VCF1: variants seen among roughly 807,000 people sequenced by gnomAD.
The protein encoded by VCF1 is VCP nuclear cofactor family member 1, also known as protein VCF1.
At chr17:73,221,613 G>A in the VCF1 span, among the ~76,000 whole-genome samples, 1 of 152,226 alleles carries the variant, frequency 6.6e-6, no homozygotes, top group South Asian at 2.1e-4. Context: ...ATTAGGCTGG[G>A]CATGGTGGCT....
the VCF1 span, among the ~76,000 whole-genome samples, chr17:73,211,590 G>T: frequency 6.7e-6 from 1 of 148,264 alleles, no homozygotes; most frequent in East Asian, 2.0e-4. Context: ...GGCCAGGCGC[G>T]GTGGCTCATG....
the VCF1 span, among the ~76,000 whole-genome samples, chr17:73,226,943 AGT>A: frequency 6.6e-6 from 1 of 152,200 alleles, no homozygotes; most frequent in Admixed American, 6.5e-5. Context: ...AATACAAATG[AGT>A]GTGTACATAT....
At chr17:73,224,925 G>GCACAGC in the VCF1 span, among the ~76,000 whole-genome samples, 2 of 121,100 alleles carry the variant, frequency 1.7e-5, no homozygotes, top group African/African-American at 6.4e-5. Flanking sequence ...GACAGGACAG[G>GCACAGC]ACAGGACAGC....
At chr17:73,223,677 A>G in the VCF1 span, among the ~76,000 whole-genome samples, 2 of 152,160 alleles carry the variant, frequency 1.3e-5, no homozygotes, top group Non-Finnish European at 2.9e-5. Flanking sequence ...AGTTCAAGTT[A>G]TAAGAAAAAG....
the VCF1 span, among the ~76,000 whole-genome samples, chr17:73,216,489 G>A: frequency 9.5e-4 from 145 of 152,280 alleles, no homozygotes; most frequent in Middle Eastern, 0.017. Flanking sequence ...GCGGGAGGGA[G>A]AGGGAGAAGG....
chr17:73,216,132 G>A, the VCF1 span, among the ~76,000 whole-genome samples: 1 of 152,062 alleles, frequency 6.6e-6, no homozygotes, highest in Non-Finnish European at 1.5e-5. Flanking sequence ...GATGAATGAG[G>A]TTAAGGATCT....
chr17:73,224,912 C>CAGCAT, the VCF1 span, among the ~76,000 whole-genome samples: 1 of 150,188 alleles, frequency 6.7e-6, no homozygotes, highest in East Asian at 2.0e-4. Context: ...CAGGACAGGA[C>CAGCAT]AGGACAGGAC....
At chr17:73,210,480 C>A in the VCF1 span, among the ~76,000 whole-genome samples, 1 of 145,846 alleles carries the variant, frequency 6.9e-6, no homozygotes, top group African/African-American at 2.5e-5. Context: ...CACTTTCATT[C>A]TGCAGTTCAT....
the VCF1 span, among the ~76,000 whole-genome samples, chr17:73,210,909 T>C: frequency 6.6e-6 from 1 of 152,090 alleles, no homozygotes; most frequent in East Asian, 1.9e-4. Context: ...TGCCCAGCCT[T>C]ATTTTACAAT....
the VCF1 span, chr17:73,227,242 C>T: frequency 2.5e-6 from 4 of 1,572,924 alleles, no homozygotes; most frequent in African/African-American, 4.1e-5. Context: ...TTGTCTTCTT[C>T]GTTGCCATTC....
chr17:73,211,582 C>A, the VCF1 span, among the ~76,000 whole-genome samples: 1 of 129,334 alleles, frequency 7.7e-6, no homozygotes, highest in Non-Finnish European at 1.7e-5. Flanking sequence ...AAAAAAAAGG[C>A]CAGGCGCGGT....
the VCF1 span, among the ~76,000 whole-genome samples, chr17:73,220,631 G>T: frequency 6.6e-6 from 1 of 150,998 alleles, no homozygotes; most frequent in Non-Finnish European, 1.5e-5. Flanking sequence ...TGTTAGTAGA[G>T]ACGGGGTTTC....
the VCF1 span, chr17:73,208,589 G>A: frequency 1.8e-6 from 2 of 1,104,104 alleles, no homozygotes; most frequent in Non-Finnish European, 2.7e-6. Context: ...TTACTGTTGG[G>A]GGTTACTTTA....
chr17:73,210,903 C>G, the VCF1 span, among the ~76,000 whole-genome samples: 1 of 152,060 alleles, frequency 6.6e-6, no homozygotes, highest in Non-Finnish European at 1.5e-5. Context: ...CCACCATGCC[C>G]AGCCTTATTT....
At chr17:73,208,847 A>C in the VCF1 span, 1 of 326,470 alleles carries the variant, frequency 3.1e-6, no homozygotes, top group Non-Finnish European at 5.9e-6. Flanking sequence ...CTCTGGTGGA[A>C]TAGTGACACA....
chr17:73,219,574 T>TG, the VCF1 span, among the ~76,000 whole-genome samples: 1 of 150,182 alleles, frequency 6.7e-6, no homozygotes, highest in Admixed American at 6.7e-5. Context: ...GGTGTGAACC[T>TG]GGGGGGCAGA....
At chr17:73,232,318 C>G in the VCF1 span, 1 of 1,564,480 alleles carries the variant, frequency 6.4e-7, no homozygotes, top group Non-Finnish European at 8.7e-7. Context: ...TCGCTGCCGC[C>G]GTGGTACCGC....
the VCF1 span, among the ~76,000 whole-genome samples, chr17:73,211,156 A>C: frequency 1.3e-5 from 2 of 152,182 alleles, no homozygotes; most frequent in African/African-American, 4.8e-5. Flanking sequence ...GTCTACACAT[A>C]AGAAAAAAAA....
the VCF1 span, among the ~76,000 whole-genome samples, chr17:73,216,294 C>T: frequency 1.1e-4 from 16 of 152,128 alleles, no homozygotes; most frequent in Admixed American, 6.6e-4. Context: ...ATAGGGTACT[C>T]GAGCATCAGG....
Sources: allele counts gnomAD v4.1 joint callset (sites outside exome capture counted in the v4.1 genomes callset), GRCh38; gene constraint gnomAD v4.1.1; transcripts MANE v1.5; gene names NCBI Gene and HGNC (gene_info 2026-07-23, HGNC 2026-07-21).